Variants in PABPC1 observed in about 807,000 individuals in gnomAD.
The protein encoded by PABPC1 is polyadenylate-binding protein 1.
In PABPC1, 4 loss-of-function variants were observed where a neutral mutation model predicts 74.0. The observed-to-expected ratio is 0.05, with a 90% CI of 0.03 to 0.12. PABPC1 has a LOEUF of 0.12. PABPC1 is among the 10% of genes least tolerant of loss of function. The pLI is 1.00. For synonymous variants in PABPC1, 227 were observed against 264.1 expected (o/e 0.86, Z 1.36); for missense variants, 271 against 821.1 (o/e 0.33, Z 8.19).
In PABPC1 at chr8:100,721,707, A is replaced by C. The variant is rs1810837938; in HGVS notation, c.-124T>G. ...GGGGAGCAAGCGCAGAGGGACAAAAATCAACCGGAATTGAAAACTACTCAA... is the reference window on the plus strand; with the variant it reads ...GGGGAGCAAGCGCAGAGGGACAAAACTCAACCGGAATTGAAAACTACTCAA... On this transcript the variant is annotated 5_prime_UTR_variant, in exon 1 of 15. Transcript: ENST00000318607. This position sits in a 1 kb window ranked among gnomAD's most constrained non-coding sequence, Gnocchi z 7.4. 3.7e-6 allele frequency: 3 copies of C among 802,194 alleles called. No individual in the cohort carries two copies. Among genetic ancestry groups the C allele is most frequent in the Non-Finnish European group, 5.5e-6 (3 of 545,862 alleles). The allele number at this position is 802,194 out of a possible 1,614,324, so 49.7% of individuals were successfully genotyped here.
intron 14 of PABPC1, chr8:100,704,090 C>A: frequency 4.5e-6 from 2 of 443,548 alleles, no homozygotes; most frequent in Non-Finnish European, 8.0e-6. Flanking sequence ...ACCTGAAAGT[C>A]CTGGGATTTT....
In PABPC1 at chr8:100,709,242, C is replaced by T; in HGVS notation, c.1246-19G>A. ...TCTGAGTCTGCAGGGAAAAAAAGCA[C>T]ATGAGTTTATCAGTTGAAGAAAAAA... On this transcript the variant is annotated intron_variant, in intron 8 of 14. Coordinates refer to ENST00000318607, the MANE Select transcript of PABPC1 (RefSeq NM_002568.4). The T allele has an allele frequency of 6.3e-7, 1 of 1,599,240 alleles. No homozygotes were observed. The highest frequency in any genetic ancestry group is 8.6e-7 in the Non-Finnish European group (1 of 1,169,382).
intron 4 of PABPC1, among the ~76,000 whole-genome samples, chr8:100,715,146 CACACACACACACATAT>C (rs1294369683): frequency 4.7e-5 from 7 of 150,296 alleles, no homozygotes; most frequent in South Asian, 2.1e-4. Context: ...CACACACACA[CACACACACACACATAT>C]ATATCTCCAG....
chr8:100,720,641 G>A (rs1430739701), intron 1 of PABPC1, among the ~76,000 whole-genome samples: 2 of 152,196 alleles, frequency 1.3e-5, no homozygotes, highest in Admixed American at 6.5e-5. Context: ...AGTTGCCTGA[G>A]AAAACTGGCC....
At position 100,713,003 on chromosome 8, in the gene PABPC1, T is replaced by C. The variant is rs1810569914; in HGVS notation, c.738+84A>G. The C allele has an allele frequency of 5.7e-6, 6 of 1,048,374 alleles. No individual in the cohort carries two copies. The East Asian group carries it at 7.2e-5, about 13-fold the overall frequency. The allele number at this position is 1,048,374 out of a possible 1,614,324, so 64.9% of individuals were successfully genotyped here. A position where few individuals can be genotyped will look rare whatever the true frequency, so the allele number is the denominator to read the frequency against. ...ACTGAAAATATAAGAACATGTCAAA[T>C]AGCTATTAGTATGCACATAGACTTC... On this transcript the variant is annotated intron_variant, in intron 5 of 14. Coordinates refer to ENST00000318607, the MANE Select transcript of PABPC1 (RefSeq NM_002568.4).
rs1337442769 is a variant in PABPC1, at chr8:100,705,111, A to G, written c.1688-55T>C. 4 of 1,470,326 alleles carry G rather than the reference A, an allele frequency of 2.7e-6. No individual in the cohort carries two copies. In the Admixed American group the frequency reaches 7.4e-5, roughly 27 times the overall value. The allele number at this position is 1,470,326 out of a possible 1,614,324, so 91.1% of individuals were successfully genotyped here. On this transcript the variant is annotated intron_variant, in intron 12 of 14. Coordinates refer to ENST00000318607, the MANE Select transcript of PABPC1 (RefSeq NM_002568.4). ...TCAATAAAAAAAAGTTTTTAACTGC[A>G]TTGAATTACCACATTAAACTGGGGT... is the stretch of plus-strand genomic sequence containing the variant.
At chr8:100,717,957 C>A in intron 2 of PABPC1, 69 bp from the exon 3 acceptor site, 1 of 1,373,722 alleles carries the variant, frequency 7.3e-7, no homozygotes, top group Non-Finnish European at 1.0e-6. Context: ...TGTTGAGAGA[C>A]AATCTGTTAG....
At chr8:100,714,321 T>C (rs932183253) in intron 4 of PABPC1, among the ~76,000 whole-genome samples, 7 of 152,178 alleles carry the variant, frequency 4.6e-5, no homozygotes, top group African/African-American at 1.7e-4. Context: ...AATTTGGGGG[T>C]TGAGATGTAA....
chr8:100,720,017 A>G (rs1810773328), intron 1 of PABPC1, among the ~76,000 whole-genome samples: 1 of 152,260 alleles, frequency 6.6e-6, no homozygotes, highest in African/African-American at 2.4e-5. Flanking sequence ...TCAACTTTAC[A>G]CAGTGAAGAG....
At chr8:100,711,052 G>C (rs1352672042) in intron 7 of PABPC1, among the ~76,000 whole-genome samples, 5 of 152,078 alleles carry the variant, frequency 3.3e-5, no homozygotes, top group Non-Finnish European at 7.4e-5. Flanking sequence ...AACACTTTAG[G>C]AGGTCACCTG....
In PABPC1 at chr8:100,721,637, A is replaced by T; in HGVS notation, c.-54T>A. ...GCCGCGACCTTTCCGTGAGAGGAGG[A>T]GAGCGAGTGCCGGGGCTGGGGGCCG... On this transcript the variant is annotated 5_prime_UTR_variant, in exon 1 of 15. Transcript: ENST00000318607. This position sits in a 1 kb window ranked among gnomAD's most constrained non-coding sequence, Gnocchi z 7.4. The T allele has an allele frequency of 1.7e-6, 2 of 1,210,026 alleles. No homozygotes were observed. Among genetic ancestry groups the T allele is most frequent in the Non-Finnish European group, 2.2e-6 (2 of 928,174 alleles). 75.0% of individuals were successfully genotyped at this position (1,210,026 alleles called of 1,614,324 possible).
intron 7 of PABPC1, 60 bp downstream of exon 7, chr8:100,712,302 T>C: frequency 2.1e-6 from 2 of 954,632 alleles, no homozygotes; most frequent in Non-Finnish European, 3.2e-6. Flanking sequence ...TTTATATACA[T>C]ATATCTACAT....
At chr8:100,703,814 C>G (rs1311025442) in intron 14 of PABPC1, among the ~76,000 whole-genome samples, 3 of 152,100 alleles carry the variant, frequency 2.0e-5, no homozygotes, top group African/African-American at 7.2e-5. Flanking sequence ...CTTTGGGAGG[C>G]CGAGGTGGGC....
intron 4 of PABPC1, among the ~76,000 whole-genome samples, chr8:100,713,688 A>G (rs1250841477): frequency 1.3e-5 from 2 of 152,102 alleles, no homozygotes; most frequent in South Asian, 2.1e-4. Context: ...GGGTCTTGCT[A>G]TGTTGCCCGG....
Position 100,709,242 on chromosome 8 carries a change from C to A in PABPC1, c.1246-19G>T. On this transcript the variant is annotated intron_variant, in intron 8 of 14. Coordinates refer to ENST00000318607, the MANE Select transcript of PABPC1 (RefSeq NM_002568.4). ...TCTGAGTCTGCAGGGAAAAAAAGCA[C>A]ATGAGTTTATCAGTTGAAGAAAAAA... The A allele has an allele frequency of 6.3e-7, 1 of 1,599,240 alleles. No individual in the cohort carries two copies.
In PABPC1 at chr8:100,719,336, A is replaced by C. The variant is rs540721335; in HGVS notation, c.194-1056T>G. ...AAGTTCCAGTTTCTAGAATATAGTG[A>C]TAATCAGCTGTTAGCTCATTATCAA... On this transcript the variant is annotated intron_variant, in intron 1 of 14. Coordinates refer to ENST00000318607, the MANE Select transcript of PABPC1 (RefSeq NM_002568.4). Among the ~76,000 whole-genome samples the C allele has an allele frequency of 2.6e-5, 4 of 151,876 alleles. No individual in the cohort carries two copies. The South Asian group carries it at 8.3e-4, about 32-fold the overall frequency.
At chr8:100,719,961 A>G (rs1810772025) in intron 1 of PABPC1, among the ~76,000 whole-genome samples, 1 of 152,244 alleles carries the variant, frequency 6.6e-6, no homozygotes, top group Non-Finnish European at 1.5e-5. Flanking sequence ...GCAGTTTTAC[A>G]ACTTCTGGCT....
Position 100,721,368 on chromosome 8 carries a change from CG to C in PABPC1, c.193+22del, listed in dbSNP as rs771125492. ...CCTCATGGCCGCCCGCCCGCCCGGC[CG>C]ACCGCGGAGCCCGGCGCTCACCGTC... is the stretch of plus-strand genomic sequence containing the variant. On this transcript the variant is annotated intron_variant, in intron 1 of 14. Transcript: ENST00000318607. This position sits in a 1 kb window ranked among gnomAD's most constrained non-coding sequence, Gnocchi z 7.4. The C allele has an allele frequency of 9.1e-6, 13 of 1,427,658 alleles. No homozygotes were observed. Among genetic ancestry groups the C allele is most frequent in the African/African-American group, 8.7e-5 (6 of 68,622 alleles). 88.4% of individuals were successfully genotyped at this position (1,427,658 alleles called of 1,614,324 possible).
chr8:100,707,387 G>A (rs1810408268), intron 9 of PABPC1, among the ~76,000 whole-genome samples: 1 of 152,024 alleles, frequency 6.6e-6, no homozygotes, highest in Non-Finnish European at 1.5e-5. Context: ...TTATTTATTG[G>A]AAACAAAACA....
Sources: gnomAD v4.1 joint callset for allele counts (sites outside exome capture counted in the v4.1 genomes callset) on GRCh38, gnomAD v4.1.1 for gene constraint, Gnocchi (gnomAD v3.1) non-coding constraint, MANE v1.5 for transcripts, NCBI Gene and HGNC (gene_info 2026-07-23, HGNC 2026-07-21) for gene names.